Variants in AP2B1 observed in about 807,000 individuals in gnomAD.
The protein encoded by AP2B1 is adaptor related protein complex 2 subunit beta 1.
AP2B1 carries 23 observed loss-of-function variants against 102.0 expected under a neutral mutation model. The observed-to-expected ratio is 0.23, with a 90% confidence interval of 0.16 to 0.32. The LOEUF is 0.32. Ranked by LOEUF, AP2B1 falls within the 10% of genes least tolerant of loss-of-function variation. The probability of loss-of-function intolerance (pLI) is 1.00; values close to 1 mark genes in which losing one functional copy is unlikely to be tolerated. For missense variants in AP2B1, 541 were observed against 1,157.4 expected, an observed-to-expected ratio of 0.47 and a Z score of 7.73; for synonymous variants, 381 against 421.2, an observed-to-expected ratio of 0.90 and a Z score of 1.17.
intron 14 of AP2B1, among the ~76,000 whole-genome samples, chr17:35,659,322 G>A (rs1231001738): frequency 6.6e-6 from 1 of 152,142 alleles, no homozygotes; most frequent in African/African-American, 2.4e-5. Context: ...AAAGTTCAAG[G>A]GATAGAGGGG....
intron 20 of AP2B1, among the ~76,000 whole-genome samples, chr17:35,715,923 C>T (rs1047888747): frequency 2.6e-5 from 4 of 152,104 alleles, no homozygotes; most frequent in South Asian, 4.1e-4. Flanking sequence ...TTTGAATGTG[C>T]GAGAAAGACA....
intron 18 of AP2B1, among the ~76,000 whole-genome samples, chr17:35,703,944 A>G (rs1363680372): frequency 1.3e-5 from 2 of 152,212 alleles, no homozygotes; most frequent in Admixed American, 6.5e-5. Flanking sequence ...CAATCTAGGC[A>G]TGATGTTATA....
chr17:35,657,523 C>A, intron 13 of AP2B1, 76 bp from the exon 14 acceptor site: 2 of 1,210,516 alleles, frequency 1.7e-6, no homozygotes, highest in Non-Finnish European at 2.3e-6. Context: ...CTATATGTTT[C>A]ACTGTTGTTG....
At chr17:35,609,841 T>C (rs958850263) in intron 5 of AP2B1, among the ~76,000 whole-genome samples, 2 of 152,226 alleles carry the variant, frequency 1.3e-5, no homozygotes, top group Non-Finnish European at 2.9e-5. Flanking sequence ...AATTACCTGT[T>C]CACTTCTCTG....
intron 13 of AP2B1, among the ~76,000 whole-genome samples, chr17:35,651,183 G>A (rs1395328134): frequency 6.6e-6 from 1 of 152,144 alleles, no homozygotes; most frequent in Non-Finnish European, 1.5e-5. Flanking sequence ...TAGCCATCTT[G>A]ATCCATTACT....
At position 35,618,210 on chromosome 17, in the gene AP2B1, A is replaced by T. The variant is rs2074078455; in HGVS notation, c.526-6187A>T. ...CTGCAGTCATTGTCTCCTTAAGGAG[A>T]TAATAATGACTGAAACTCTCAGAAC... On this transcript the variant is annotated intron_variant, in intron 5 of 21. Transcript: ENST00000610402. Among the ~76,000 whole-genome samples the T allele has an allele frequency of 2.0e-5, 3 of 152,342 alleles. No homozygotes were observed. In the Middle Eastern group the frequency reaches 0.01, roughly 518 times the overall value.
intron 14 of AP2B1, among the ~76,000 whole-genome samples, chr17:35,663,974 A>G (rs572286048): frequency 2.0e-5 from 3 of 152,244 alleles, no homozygotes; most frequent in East Asian, 1.9e-4. Context: ...GGTCACTGCA[A>G]CCTTGAGCTC....
chr17:35,667,666 T>A (rs1361827257), intron 14 of AP2B1, among the ~76,000 whole-genome samples: 1 of 152,220 alleles, frequency 6.6e-6, no homozygotes, highest in Non-Finnish European at 1.5e-5. Context: ...TACCCATGAA[T>A]CTCTTTTCTC....
At chr17:35,717,167 G>A in intron 20 of AP2B1, 28 bp from the exon 21 acceptor site, 4 of 1,610,628 alleles carry the variant, frequency 2.5e-6, no homozygotes, top group Non-Finnish European at 3.4e-6. Context: ...TTAACTGAAG[G>A]TGTTGGATTT....
chr17:35,650,295 A>G (rs949292700), intron 12 of AP2B1, among the ~76,000 whole-genome samples: 4 of 151,720 alleles, frequency 2.6e-5, no homozygotes, highest in Admixed American at 2.6e-4. Context: ...AGGTTTTGCC[A>G]CGTTGCCCAG....
At chr17:35,678,136 C>T (rs998837007) in intron 17 of AP2B1, among the ~76,000 whole-genome samples, 1 of 152,134 alleles carries the variant, frequency 6.6e-6, no homozygotes, top group Non-Finnish European at 1.5e-5. Context: ...GCTGGGATTA[C>T]AGGTGTGAGT....
intron 20 of AP2B1, among the ~76,000 whole-genome samples, chr17:35,712,304 G>A (rs1365114631): frequency 6.6e-6 from 1 of 152,128 alleles, no homozygotes; most frequent in Non-Finnish European, 1.5e-5. Context: ...ATTTCAAATA[G>A]AATGTTCCTC....
chr17:35,717,973 A>G (rs587601414), intron 21 of AP2B1, among the ~76,000 whole-genome samples: 10 of 152,354 alleles, frequency 6.6e-5, no homozygotes, highest in African/African-American at 2.2e-4. Context: ...ATAGCCAAGC[A>G]CTAGGCATTT....
At chr17:35,698,897 A>AT (rs1195861150) in intron 18 of AP2B1, among the ~76,000 whole-genome samples, 1 of 152,222 alleles carries the variant, frequency 6.6e-6, no homozygotes, top group Non-Finnish European at 1.5e-5. Context: ...CCAAATGGTG[A>AT]TTTTGACAGT....
At chr17:35,704,955 C>T (rs773581912) in intron 18 of AP2B1, among the ~76,000 whole-genome samples, 6 of 151,656 alleles carry the variant, frequency 4.0e-5, no homozygotes, top group Non-Finnish European at 1.5e-5. Flanking sequence ...CGCTTGAACC[C>T]GGGGGGCGGA....
intron 5 of AP2B1, chr17:35,621,358 T>C: frequency 3.0e-6 from 3 of 985,014 alleles, no homozygotes; most frequent in Non-Finnish European, 3.6e-6. Flanking sequence ...CTGAGAGTGC[T>C]GCCTGGTGAG....
chr17:35,632,485 T>G lies in AP2B1; in HGVS notation c.1156-3856T>G, dbSNP rs111407440. Among the ~76,000 whole-genome samples, 838 of 152,230 alleles carry G rather than the reference T, an allele frequency of 5.5e-3. 8 individuals are homozygous for G. The highest frequency in any genetic ancestry group is 0.019 in the African/African-American group (793 of 41,530). ...TTAATCAACCGGGAAATAATTTTAG[T>G]GAAAGATATGAGTAGAGTGGATCAA... is the stretch of plus-strand genomic sequence containing the variant. On this transcript the variant is annotated intron_variant, in intron 9 of 21. Coordinates refer to ENST00000610402, the MANE Select transcript of AP2B1 (RefSeq NM_001030006.2).
At chr17:35,621,465 A>G in intron 5 of AP2B1, 1 of 487,240 alleles carries the variant, frequency 2.1e-6, no homozygotes, top group Non-Finnish European at 2.7e-6. Context: ...AAGAAATTTT[A>G]GAGAAACATT....
intron 21 of AP2B1, among the ~76,000 whole-genome samples, chr17:35,722,879 C>T (rs1439426679): frequency 2.6e-5 from 4 of 152,110 alleles, no homozygotes; most frequent in Non-Finnish European, 4.4e-5. Flanking sequence ...CTTACTGACT[C>T]ACAAAGTGAA....
Sources: gnomAD v4.1 joint callset for allele counts (sites outside exome capture counted in the v4.1 genomes callset) on GRCh38, gnomAD v4.1.1 for gene constraint, MANE v1.5 for transcripts, NCBI Gene and HGNC (gene_info 2026-07-23, HGNC 2026-07-21) for gene names.